The following TLDC2 variants were observed in gnomAD, a reference collection of about 807,000 sequenced individuals.
TLDC2 encodes the protein TLD domain-containing protein 2.
TLDC2 carries 23 observed loss-of-function variants against 27.9 expected under a neutral mutation model. The ratio of observed to expected loss-of-function variants is 0.82; its 90% CI spans 0.59 to 1.17. TLDC2 has a LOEUF of 1.17. Ranked by LOEUF, TLDC2 falls within the 50% of genes most tolerant of loss-of-function variation. The pLI is 0.00. For synonymous variants in TLDC2, 124 were observed against 107.4 expected (o/e 1.16, Z -0.96); for missense variants, 286 against 273.4 (o/e 1.05, Z -0.32).
Position 36,887,522 on chromosome 20 carries a change from G to A in TLDC2, c.506G>A (p.Ser169Asn), listed in dbSNP as rs559651135. 1 of 1,614,082 alleles carries A rather than the reference G, an allele frequency of 6.2e-7. No individual in the cohort carries two copies. Among genetic ancestry groups the A allele is most frequent in the Non-Finnish European group, 8.5e-7 (1 of 1,179,928 alleles). ...KGDLDSLMMG[S>N]GSGRFGLWLD... Reference sequence around the variant, plus strand: ...GACTTGGATTCACTGATGATGGGCAGTGGCAGGTGAGTGTCTCAGTCTTCC... The same window carrying A: ...GACTTGGATTCACTGATGATGGGCAATGGCAGGTGAGTGTCTCAGTCTTCC... Residue 169 changes from serine (S) to asparagine (N), a missense_variant, in exon 5 of 7, where the codon AGT becomes AAT. Coordinates refer to ENST00000217320, the MANE Select transcript of TLDC2 (RefSeq NM_080628.3).
At chr20:36,877,558 C>T (rs1989699930) in intron 1 of TLDC2, among the ~76,000 whole-genome samples, 1 of 150,820 alleles carries the variant, frequency 6.6e-6, no homozygotes, top group Non-Finnish European at 1.5e-5. Flanking sequence ...CCTCTGCTCC[C>T]AAGCTTAGAA....
intron 3 of TLDC2, among the ~76,000 whole-genome samples, chr20:36,879,454 T>G (rs1989752609): frequency 6.6e-6 from 1 of 152,146 alleles, no homozygotes; most frequent in Admixed American, 6.5e-5. Flanking sequence ...GTCCCAGCTC[T>G]CTTGGAGCTA....
In TLDC2 at chr20:36,893,597, T is replaced by G. The variant is rs6093564; in HGVS notation, c.*753T>G. 393 of 322,284 alleles carry G rather than the reference T, an allele frequency of 1.2e-3. 3 individuals are homozygous for G. Among genetic ancestry groups the G allele is most frequent in the African/African-American group, 7.6e-3 (357 of 46,738 alleles). 20.0% of individuals were successfully genotyped at this position (322,284 alleles called of 1,614,324 possible). ...TCCTCCACCCAAAATAAGGGAGAGATCCAAAGGGAGGCGATACAATGACGT... is the reference window on the plus strand; with the variant it reads ...TCCTCCACCCAAAATAAGGGAGAGAGCCAAAGGGAGGCGATACAATGACGT... On this transcript the variant is annotated 3_prime_UTR_variant, in exon 7 of 7. Coordinates refer to ENST00000217320, the MANE Select transcript of TLDC2 (RefSeq NM_080628.3).
Position 36,894,014 on chromosome 20 carries a change from G to A in TLDC2, c.*1170G>A. 1 of 398,350 alleles carries A rather than the reference G, an allele frequency of 2.5e-6. No homozygotes were observed. The highest frequency in any genetic ancestry group is 4.4e-5 in the Admixed American group (1 of 22,704). 24.7% of individuals were successfully genotyped at this position (398,350 alleles called of 1,614,324 possible). A position where few individuals can be genotyped will look rare whatever the true frequency, so the allele number is the denominator to read the frequency against. On this transcript the variant is annotated 3_prime_UTR_variant, in exon 7 of 7. Transcript: ENST00000217320. The stretch of plus-strand genomic sequence containing the variant: ...GAGCGGCAGTGGCAGTGACTATTCT[G>A]TGGTTCTAGCTTTTGCAGGTGGCCC...
intron 3 of TLDC2, 85 bp downstream of exon 3, chr20:36,879,278 A>G: frequency 1.3e-6 from 2 of 1,488,260 alleles, no homozygotes; most frequent in African/African-American, 2.8e-5. Context: ...GCTCAGGGAC[A>G]AGCAGGCAGA....
rs1467719426 is a variant in TLDC2 at position 36,893,796 on chromosome 20, G to C, written c.*952G>C. ...ATTCGTGCTCCTCATCTGCTTATTT[G>C]CTCTCAGATCCATTCTTCACTCTTC... is the stretch of plus-strand genomic sequence containing the variant. On this transcript the variant is annotated 3_prime_UTR_variant, in exon 7 of 7. Transcript: ENST00000217320. The C allele has an allele frequency of 2.5e-6, 1 of 397,774 alleles. No individual in the cohort carries two copies. The highest frequency in any genetic ancestry group is 4.4e-5 in the Admixed American group (1 of 22,696). 24.6% of individuals were successfully genotyped at this position (397,774 alleles called of 1,614,324 possible). A position where few individuals can be genotyped will look rare whatever the true frequency, so the allele number is the denominator to read the frequency against.
At position 36,889,182 on chromosome 20, in the gene TLDC2, C is replaced by T. The variant is rs1399680004; in HGVS notation, c.513-69C>T. 6 of 1,577,120 alleles carry T rather than the reference C, an allele frequency of 3.8e-6. No homozygotes were observed. The East Asian group carries it at 1.4e-4, about 36-fold the overall frequency. On this transcript the variant is annotated intron_variant, in intron 5 of 6. Coordinates refer to ENST00000217320, the MANE Select transcript of TLDC2 (RefSeq NM_080628.3). ...GTCCTGGCATGGCCAAGAGCTGATGCTGGTGGCAGAGCCTGGGGGTTTCAG... is the reference window on the plus strand; with the variant it reads ...GTCCTGGCATGGCCAAGAGCTGATGTTGGTGGCAGAGCCTGGGGGTTTCAG...
At chr20:36,887,419 C>T (rs1989945184) in intron 4 of TLDC2, 36 bp from the exon 5 acceptor site, 3 of 1,589,684 alleles carry the variant, frequency 1.9e-6, no homozygotes. Context: ...GACTCGCTCG[C>T]TTAGTAACCT....
intron 6 of TLDC2, chr20:36,890,365 AT>A (rs952491782): frequency 1.3e-4 from 13 of 100,800 alleles, no homozygotes; most frequent in Non-Finnish European, 2.4e-4. Flanking sequence ...TAAAATTTCC[AT>A]TTTTATACAA....
intron 6 of TLDC2, 149 bp from the exon 7 acceptor site, chr20:36,892,713 A>G (rs1038629052): frequency 1.6e-6 from 1 of 626,540 alleles, no homozygotes; most frequent in Non-Finnish European, 2.9e-6. Flanking sequence ...AGGCTTTAAT[A>G]ATATTAAAAA....
chr20:36,885,840 A>G (rs532410081), intron 4 of TLDC2, among the ~76,000 whole-genome samples: 1 of 152,326 alleles, frequency 6.6e-6, no homozygotes, highest in South Asian at 2.1e-4. Flanking sequence ...TAACGTCCTT[A>G]ATATAAATAA....
At chr20:36,880,774 G>C (rs375173364) in intron 4 of TLDC2, 24 bp downstream of exon 4, 1 of 1,608,236 alleles carries the variant, frequency 6.2e-7, no homozygotes, top group African/African-American at 1.3e-5. Flanking sequence ...CCTTCCATGG[G>C]GGGAGTGGGG....
rs201403107 is a variant in TLDC2, at chr20:36,878,008, A to G, written c.143A>G (p.Gln48Arg). 229 of 1,614,090 alleles carry G rather than the reference A, an allele frequency of 1.4e-4. No homozygotes were observed. In the Middle Eastern group the frequency reaches 1.8e-3, roughly 13 times the overall value. ...AAAPEDPTVP[Q>R]LTEASQVLSA... ...GCTCCTGAGGATCCCACGGTGCCCC[A>G]GCTGACAGAAGCCAGCCAGGTTTTG... The change falls in exon 2 of 7, where the codon CAG becomes CGG. Residue 48 changes from glutamine (Q) to arginine (R), a missense_variant. Coordinates refer to ENST00000217320, the MANE Select transcript of TLDC2 (RefSeq NM_080628.3).
intron 3 of TLDC2, 136 bp from the exon 4 acceptor site, chr20:36,880,519 G>GC: frequency 3.1e-6 from 2 of 644,700 alleles, no homozygotes. Context: ...TGGGTGTGGA[G>GC]CCCCCATGCC....
chr20:36,879,287 G>A, intron 3 of TLDC2, 94 bp downstream of exon 3: 1 of 1,461,364 alleles, frequency 6.8e-7, no homozygotes. Context: ...CAAGCAGGCA[G>A]AGTGACAGAC....
At chr20:36,883,121 A>C (rs567452700) in intron 4 of TLDC2, among the ~76,000 whole-genome samples, 28 of 149,378 alleles carry the variant, frequency 1.9e-4, no homozygotes, top group African/African-American at 6.9e-4. Context: ...CTCTCCTTGC[A>C]TCTCAAACAT....
At chr20:36,887,324 C>T (rs1431330957) in intron 4 of TLDC2, 131 bp from the exon 5 acceptor site, 1 of 774,804 alleles carries the variant, frequency 1.3e-6, no homozygotes, top group African/African-American at 1.7e-5. Context: ...AGCCCGGAGT[C>T]CCACCTGCGG....
chr20:36,891,953 C>G (rs1990085031), intron 6 of TLDC2: 2 of 152,404 alleles, frequency 1.3e-5, no homozygotes, highest in Admixed American at 1.3e-4. Context: ...CTCTGGCCAG[C>G]TCTCCAGGAT....
chr20:36,880,996 G>A (rs982058919), intron 4 of TLDC2, among the ~76,000 whole-genome samples: 20 of 152,230 alleles, frequency 1.3e-4, no homozygotes, highest in African/African-American at 4.8e-4. Flanking sequence ...GACCATGCTT[G>A]CCAGGCACAT....
Sources: allele counts gnomAD v4.1 joint callset (sites outside exome capture counted in the v4.1 genomes callset), GRCh38; gene constraint gnomAD v4.1.1; transcripts MANE v1.5; gene names NCBI Gene and HGNC (gene_info 2026-07-23, HGNC 2026-07-21).